ZBTB10: variants seen among roughly 807,000 people sequenced by gnomAD.
The protein encoded by ZBTB10 is zinc finger and BTB domain containing 10, also known as zinc finger and BTB domain-containing protein 10.
In ZBTB10, 32 loss-of-function variants were observed where a neutral mutation model predicts 76.4. The observed-to-expected ratio is 0.42, with a 90% CI of 0.32 to 0.56. The LOEUF (loss-of-function observed/expected upper bound fraction) is 0.56. Among genes scored for constraint, ZBTB10 ranks in the 20% least tolerant of loss-of-function variants. The pLI, the probability that ZBTB10 is intolerant of heterozygous loss-of-function variation, is 0.14. For missense variants in ZBTB10, 1,057 were observed against 1,098.5 expected, an observed-to-expected ratio of 0.96 and a Z score of 0.53; for synonymous variants, 523 against 432.9, an observed-to-expected ratio of 1.21 and a Z score of -2.58.
chr8:80,519,825 A>T lies in ZBTB10; in HGVS notation c.*297A>T. 1 of 234,950 alleles carries T rather than the reference A, an allele frequency of 4.3e-6. No individual in the cohort carries two copies. Among genetic ancestry groups the T allele is most frequent in the Non-Finnish European group, 8.4e-6 (1 of 118,534 alleles). The allele number at this position is 234,950 out of a possible 1,614,324, so 14.6% of individuals were successfully genotyped here. On this transcript the variant is annotated 3_prime_UTR_variant, in exon 6 of 6. Coordinates refer to ENST00000455036, the MANE Select transcript of ZBTB10 (RefSeq NM_001105539.3). Reference sequence around the variant, plus strand: ...ACAGTAACTATTTGGGTCCTATGAAAATAGTCCTTAAAGAGCTTACATTCA... The same window carrying T: ...ACAGTAACTATTTGGGTCCTATGAATATAGTCCTTAAAGAGCTTACATTCA...
intron 1 of ZBTB10, among the ~76,000 whole-genome samples, chr8:80,491,653 T>C (rs1227692618): frequency 6.6e-6 from 1 of 152,218 alleles, no homozygotes; most frequent in Non-Finnish European, 1.5e-5. Context: ...GGACAATTAA[T>C]AGTTTAATTT....
intron 1 of ZBTB10, 92 bp downstream of exon 1, chr8:80,487,874 C>G (rs1201728246): frequency 7.2e-7 from 1 of 1,394,314 alleles, no homozygotes; most frequent in African/African-American, 1.4e-5. Context: ...GAAAAAAAAC[C>G]TCAAAACCAT....
At chr8:80,506,568 C>CCA (rs1554552855) in intron 2 of ZBTB10, among the ~76,000 whole-genome samples, 2 of 129,922 alleles carry the variant, frequency 1.5e-5, no homozygotes, top group African/African-American at 7.1e-5. Flanking sequence ...ATCCACCCCC[C>CCA]CCCCAACCCC....
At position 80,524,837 on chromosome 8, in the gene ZBTB10, A is replaced by G. The variant is rs2131527724; in HGVS notation, c.*5309A>G. Reference sequence around the variant, plus strand: ...ATGGGGCTGCTTCAGAAAAAGGTCTACCACTGGAGATAACGCTATGAAAAG... The same window carrying G: ...ATGGGGCTGCTTCAGAAAAAGGTCTGCCACTGGAGATAACGCTATGAAAAG... On this transcript the variant is annotated 3_prime_UTR_variant, in exon 6 of 6. Transcript: ENST00000455036. The G allele has an allele frequency of 6.6e-6, 1 of 152,234 alleles. No homozygotes were observed. Among genetic ancestry groups the G allele is most frequent in the East Asian group, 1.9e-4 (1 of 5,192 alleles). 9.4% of individuals were successfully genotyped at this position (152,234 alleles called of 1,614,324 possible). A position where few individuals can be genotyped will look rare whatever the true frequency, so the allele number is the denominator to read the frequency against.
At position 80,522,404 on chromosome 8, in the gene ZBTB10, A is replaced by C. The variant is rs1404074554; in HGVS notation, c.*2876A>C. 1 of 151,930 alleles carries C rather than the reference A, an allele frequency of 6.6e-6. No homozygotes were observed. The highest frequency in any genetic ancestry group is 1.5e-5 in the Non-Finnish European group (1 of 67,846). 9.4% of individuals were successfully genotyped at this position (151,930 alleles called of 1,614,324 possible). A position where few individuals can be genotyped will look rare whatever the true frequency, so the allele number is the denominator to read the frequency against. On this transcript the variant is annotated 3_prime_UTR_variant, in exon 6 of 6. Coordinates refer to ENST00000455036, the MANE Select transcript of ZBTB10 (RefSeq NM_001105539.3). Reference sequence around the variant, plus strand: ...AGGGGAAGAGTATAAACTTTCTTTCATATTCACTCTGTAGTTACAGACCGT... The same window carrying C: ...AGGGGAAGAGTATAAACTTTCTTTCCTATTCACTCTGTAGTTACAGACCGT...
In ZBTB10 at chr8:80,490,270, G is replaced by GT. The variant is rs543821537; in HGVS notation, c.972+2495dup. Among the ~76,000 whole-genome samples the GT allele has an allele frequency of 3.0e-3, 456 of 152,106 alleles. 2 individuals are homozygous for GT. The highest frequency in any genetic ancestry group is 0.011 in the African/African-American group (438 of 41,498). ...ATTATCATTATTACCTTTTTGTTTTGTTTTTTTGAGACAGTGACTCTATTG... is the reference window on the plus strand; with the variant it reads ...ATTATCATTATTACCTTTTTGTTTTGTTTTTTTTGAGACAGTGACTCTATTG... On this transcript the variant is annotated intron_variant, in intron 1 of 5. Coordinates refer to ENST00000455036, the MANE Select transcript of ZBTB10 (RefSeq NM_001105539.3).
In ZBTB10 at chr8:80,499,844, C is replaced by T. The variant is rs767010302; in HGVS notation, c.1323C>T (p.Thr441=). The T allele has an allele frequency of 1.9e-5, 31 of 1,613,780 alleles. No individual in the cohort carries two copies. The highest frequency in any genetic ancestry group is 3.3e-5 in the Admixed American group (2 of 59,998). Residue 441 remains threonine (T), a synonymous_variant, in exon 2 of 6, where the codon ACC becomes ACT. Transcript: ENST00000455036. ...GCCAAAATGCCATTGAAGTTATGACCGTGGCCAGCTATCTTCAAATGAGTG... is the reference window on the plus strand; with the variant it reads ...GCCAAAATGCCATTGAAGTTATGACTGTGGCCAGCTATCTTCAAATGAGTG... The part of the protein sequence containing the change: ...LTSQNAIEVM[T]VASYLQMSEV...
intron 2 of ZBTB10, among the ~76,000 whole-genome samples, chr8:80,503,556 C>T (rs1006961437): frequency 1.3e-5 from 2 of 152,030 alleles, no homozygotes; most frequent in East Asian, 3.9e-4. Context: ...CTCCCTGTGT[C>T]ACCAAGGCTG....
At chr8:80,488,972 C>T (rs1348231496) in intron 1 of ZBTB10, among the ~76,000 whole-genome samples, 2 of 148,046 alleles carry the variant, frequency 1.4e-5, no homozygotes, top group African/African-American at 5.0e-5. Flanking sequence ...CAGGGTGATC[C>T]CCCGCCCCCG....
At chr8:80,502,676 G>A (rs1331120273) in intron 2 of ZBTB10, among the ~76,000 whole-genome samples, 1 of 151,976 alleles carries the variant, frequency 6.6e-6, no homozygotes, top group Non-Finnish European at 1.5e-5. Context: ...ATTATGGTTA[G>A]GGTATATAAT....
At chr8:80,495,251 G>C (rs192457169) in intron 1 of ZBTB10, among the ~76,000 whole-genome samples, 38 of 151,618 alleles carry the variant, frequency 2.5e-4, no homozygotes, top group African/African-American at 8.9e-4. Context: ...TGGCGCTCTT[G>C]TCAAAATGGA....
rs58749656 is a variant in ZBTB10, at chr8:80,510,639, A to AGTGTGT, written c.1862-3236_1862-3231dup. On this transcript the variant is annotated intron_variant, in intron 2 of 5. Transcript: ENST00000455036. Reference sequence around the variant, plus strand: ...AAAATAGCCGTCATTTTGTGAAACCAGTGTGTGTGTGTGTGTGTGTGTGTG... The same window carrying AGTGTGT: ...AAAATAGCCGTCATTTTGTGAAACCAGTGTGTGTGTGTGTGTGTGTGTGTGTGTGTG... Among the ~76,000 whole-genome samples, 887 of 125,760 alleles carry AGTGTGT rather than the reference A, an allele frequency of 7.1e-3. 9 individuals carry two copies. Among genetic ancestry groups the AGTGTGT allele is most frequent in the East Asian group, 0.057 (276 of 4,834 alleles). The allele number at this position is 125,760 out of a possible 152,430, so 82.5% of individuals were successfully genotyped here. A position where few individuals can be genotyped will look rare whatever the true frequency, so the allele number is the denominator to read the frequency against.
chr8:80,489,068 A>G (rs1277587540), intron 1 of ZBTB10, among the ~76,000 whole-genome samples: 1 of 151,856 alleles, frequency 6.6e-6, no homozygotes, highest in Non-Finnish European at 1.5e-5. Context: ...TCATTTAAAG[A>G]TACAAGGCCG....
At chr8:80,501,620 TTCC>T (rs1465145238) in intron 2 of ZBTB10, among the ~76,000 whole-genome samples, 1 of 152,222 alleles carries the variant, frequency 6.6e-6, no homozygotes, top group Non-Finnish European at 1.5e-5. Context: ...CTGTGAAATG[TTCC>T]TCTGGCTTTT....
chr8:80,514,340 T>A (rs1307382968), intron 3 of ZBTB10, among the ~76,000 whole-genome samples: 1 of 152,204 alleles, frequency 6.6e-6, no homozygotes, highest in African/African-American at 2.4e-5. Context: ...TTAATTAGTT[T>A]TTATGCAAAA....
intron 1 of ZBTB10, among the ~76,000 whole-genome samples, chr8:80,491,505 C>T (rs550094176): frequency 6.6e-6 from 1 of 152,168 alleles, no homozygotes; most frequent in Non-Finnish European, 1.5e-5. Flanking sequence ...TTGGTAGTTA[C>T]CAAAAAGTTA....
rs1423249482 is a variant in ZBTB10, at chr8:80,486,664, C to CGGGCGAGA, written c.-139_-132dup. 12 of 978,478 alleles carry CGGGCGAGA rather than the reference C, an allele frequency of 1.2e-5. No homozygotes were observed. Among genetic ancestry groups the CGGGCGAGA allele is most frequent in the East Asian group, 2.4e-4 (2 of 8,380 alleles). 60.6% of individuals were successfully genotyped at this position (978,478 alleles called of 1,614,324 possible). ...CGGGAGCGAGCGCGAGCCGGGCTGC[C>CGGGCGAGA]GGGCGAGAGGGCGAGGCCGAGCCCC... On this transcript the variant is annotated 5_prime_UTR_variant, in exon 1 of 6. Coordinates refer to ENST00000455036, the MANE Select transcript of ZBTB10 (RefSeq NM_001105539.3).
chr8:80,496,290 AT>A (rs1410606667), intron 1 of ZBTB10, among the ~76,000 whole-genome samples: 1 of 151,652 alleles, frequency 6.6e-6, no homozygotes, highest in East Asian at 1.9e-4. Flanking sequence ...AAATCCTCTA[AT>A]AATGATCTCC....
At position 80,525,120 on chromosome 8, in the gene ZBTB10, A is replaced by G. The variant is rs1028746945; in HGVS notation, c.*5592A>G. On this transcript the variant is annotated 3_prime_UTR_variant, in exon 6 of 6. Coordinates refer to ENST00000455036, the MANE Select transcript of ZBTB10 (RefSeq NM_001105539.3). ...GTTTGGCTTAATAGAAAAAGTCACTATCTGAACTTCTTTCTTTTTCACCAC... is the reference window on the plus strand; with the variant it reads ...GTTTGGCTTAATAGAAAAAGTCACTGTCTGAACTTCTTTCTTTTTCACCAC... The G allele has an allele frequency of 2.1e-4, 32 of 152,158 alleles. No individual in the cohort carries two copies. The highest frequency in any genetic ancestry group is 4.0e-4 in the Non-Finnish European group (27 of 67,996). The allele number at this position is 152,158 out of a possible 1,614,324, so 9.4% of individuals were successfully genotyped here. A position where few individuals can be genotyped will look rare whatever the true frequency, so the allele number is the denominator to read the frequency against.
Sources: gnomAD v4.1 joint callset for allele counts (sites outside exome capture counted in the v4.1 genomes callset) on GRCh38, gnomAD v4.1.1 for gene constraint, MANE v1.5 for transcripts, NCBI Gene and HGNC (gene_info 2026-07-23, HGNC 2026-07-21) for gene names.